The following RNPEPL1 variants were observed in gnomAD, a reference collection of about 807,000 sequenced individuals.
The protein encoded by RNPEPL1 is aminopeptidase RNPEPL1.
RNPEPL1 carries 46 observed loss-of-function variants against 69.0 expected under a neutral mutation model. The observed-to-expected ratio is 0.67, with a 90% CI of 0.53 to 0.85. RNPEPL1 has a LOEUF of 0.85. Ranked by LOEUF, RNPEPL1 falls within the 40% of genes least tolerant of loss-of-function variation. The pLI, the probability that RNPEPL1 is intolerant of heterozygous loss-of-function variation, is 0.00. For missense variants in RNPEPL1, 869 were observed against 992.5 expected (o/e 0.88, Z 1.67); for synonymous variants, 525 against 454.1 (o/e 1.16, Z -1.98).
chr2:240,570,978 C>G (rs1012254163), intron 1 of RNPEPL1, among the ~76,000 whole-genome samples: 5 of 152,252 alleles, frequency 3.3e-5, no homozygotes, highest in African/African-American at 1.2e-4. Flanking sequence ...TGAGAAGGGC[C>G]TCAGGAGGGT....
Position 240,572,551 on chromosome 2 carries a change from T to G in RNPEPL1, c.657T>G (p.Ser219=). ...FDTPAVKCTY[S]AVVKAPSGVQ... Reference sequence around the variant, plus strand: ...CACCTGCCGTGAAGTGCACCTACTCTGCCGTCGTCAAGGTCAGGGGCCGCC... The same window carrying G: ...CACCTGCCGTGAAGTGCACCTACTCGGCCGTCGTCAAGGTCAGGGGCCGCC... Residue 219 remains serine (S), a synonymous_variant, in exon 2 of 11, where the codon TCT becomes TCG. Coordinates refer to ENST00000270357, the MANE Select transcript of RNPEPL1 (RefSeq NM_018226.6). The G allele has an allele frequency of 6.5e-7, 1 of 1,536,164 alleles. No homozygotes were observed. Among genetic ancestry groups the G allele is most frequent in the Non-Finnish European group, 8.7e-7 (1 of 1,146,816 alleles).
chr2:240,574,532 C>T lies in RNPEPL1; in HGVS notation c.1192C>T (p.Leu398=), dbSNP rs533395436. ...CCATCCAGGTGCTGCCTTCACCTGCCTGGAGACTGCCTTCCGCCTGGACGC... is the reference window on the plus strand; with the variant it reads ...CCATCCAGGTGCTGCCTTCACCTGCTTGGAGACTGCCTTCCGCCTGGACGC... The part of the protein sequence containing the change: ...TETYGAAFTC[L]ETAFRLDALH... Residue 398 remains leucine, a synonymous_variant, in exon 6 of 11, where the codon CTG becomes TTG. Transcript: ENST00000270357. The T allele has an allele frequency of 4.7e-5, 76 of 1,612,118 alleles. No homozygotes were observed. Among genetic ancestry groups the T allele is most frequent in the Admixed American group, 4.2e-4 (25 of 59,858 alleles).
At chr2:240,574,825 G>A (rs2093033132) in intron 6 of RNPEPL1, 197 bp downstream of exon 6, 4 of 660,172 alleles carry the variant, frequency 6.1e-6, no homozygotes, top group African/African-American at 1.8e-5. Flanking sequence ...CCCTGGCTCT[G>A]AGCAGCAGTC....
intron 1 of RNPEPL1, among the ~76,000 whole-genome samples, chr2:240,571,767 G>A (rs928243098): frequency 7.9e-5 from 12 of 151,882 alleles, no homozygotes; most frequent in Admixed American, 2.0e-4. Context: ...CGCAGCCCCC[G>A]GCCTCCAGGC....
chr2:240,574,280 G>C lies in RNPEPL1; in HGVS notation c.1106G>C (p.Trp369Ser). 6 of 1,611,000 alleles carry C rather than the reference G, an allele frequency of 3.7e-6. No homozygotes were observed. The highest frequency in any genetic ancestry group is 5.1e-6 in the Non-Finnish European group (6 of 1,179,942). Reference protein sequence around the residue: ...WFGNAVTNATWEEMWLSEGLA... With the variant: ...WFGNAVTNATSEEMWLSEGLA... ...GGCAACGCTGTCACCAACGCCACGT[G>C]GGAAGAGATGTGGCTGAGCGAGGGC... Residue 369 changes from tryptophan (W) to serine (S), a missense_variant, in exon 5 of 11, where the codon TGG becomes TCG. Physicochemically the swap from Trp to Ser is radical, Grantham distance 177. This residue lies in a region of RNPEPL1 where 610 missense variants were observed against 790.9 expected (regional missense o/e 0.77). Coordinates refer to ENST00000270357, the MANE Select transcript of RNPEPL1 (RefSeq NM_018226.6).
chr2:240,569,762 G>C (rs1310115118), intron 1 of RNPEPL1, among the ~76,000 whole-genome samples: 1 of 152,216 alleles, frequency 6.6e-6, no homozygotes. Context: ...TACAGCATGG[G>C]GGTTCATACT....
chr2:240,568,533 C>T lies in RNPEPL1; in HGVS notation c.-54C>T, dbSNP rs2093010753. ...GCCGCCGCCGCCGCCCGGCGCCCCTCGCCCGCGGCCCGGCGCGGCCGCCGC... is the reference window on the plus strand; with the variant it reads ...GCCGCCGCCGCCGCCCGGCGCCCCTTGCCCGCGGCCCGGCGCGGCCGCCGC... On this transcript the variant is annotated 5_prime_UTR_variant, in exon 1 of 11. Coordinates refer to ENST00000270357, the MANE Select transcript of RNPEPL1 (RefSeq NM_018226.6). This position sits in a 1 kb window ranked among gnomAD's most constrained non-coding sequence, Gnocchi z 6.2. 2 of 870,784 alleles carry T rather than the reference C, an allele frequency of 2.3e-6. No individual in the cohort carries two copies. The highest frequency in any genetic ancestry group is 1.9e-5 in the African/African-American group (1 of 53,546). The allele number at this position is 870,784 out of a possible 1,614,324, so 53.9% of individuals were successfully genotyped here.
In RNPEPL1 at chr2:240,572,405, G is replaced by A; in HGVS notation, c.529-18G>A. ...CCTAGCTGGGTGGCCGTCTGCTGATGGGCCATCCTGCCCACAGATCTGGTG... is the reference window on the plus strand; with the variant it reads ...CCTAGCTGGGTGGCCGTCTGCTGATAGGCCATCCTGCCCACAGATCTGGTG... On this transcript the variant is annotated intron_variant, in intron 1 of 10. Transcript: ENST00000270357. 1 of 1,535,698 alleles carries A rather than the reference G, an allele frequency of 6.5e-7. No individual in the cohort carries two copies. The highest frequency in any genetic ancestry group is 8.7e-7 in the Non-Finnish European group (1 of 1,146,584).
intron 1 of RNPEPL1, among the ~76,000 whole-genome samples, chr2:240,570,835 G>A (rs1458071408): frequency 5.9e-5 from 9 of 152,202 alleles, no homozygotes; most frequent in African/African-American, 1.9e-4. Context: ...TCCTGTCTGG[G>A]GGTCTGCCCC....
At position 240,568,826 on chromosome 2, in the gene RNPEPL1, C is replaced by G; in HGVS notation, c.240C>G (p.His80Gln). 1 of 1,139,100 alleles carries G rather than the reference C, an allele frequency of 8.8e-7. No individual in the cohort carries two copies. Among genetic ancestry groups the G allele is most frequent in the Non-Finnish European group, 1.1e-6 (1 of 925,968 alleles). The allele number at this position is 1,139,100 out of a possible 1,614,324, so 70.6% of individuals were successfully genotyped here. A position where few individuals can be genotyped will look rare whatever the true frequency, so the allele number is the denominator to read the frequency against. The change falls in exon 1 of 11, where the codon CAC (histidine) becomes CAG (glutamine). Residue 80 changes from histidine (H) to glutamine (Q), a missense_variant. By Grantham distance (24) the His-to-Gln change is conservative. This residue lies in a region of RNPEPL1 where 259 missense variants were observed against 201.5 expected (regional missense o/e 1.29). Transcript: ENST00000270357. This position sits in a 1 kb window ranked among gnomAD's most constrained non-coding sequence, Gnocchi z 6.2. ...PAPRALVLDAHPALRLHSAAF... is the reference protein window; with the variant it reads ...PAPRALVLDAQPALRLHSAAF... Reference sequence around the variant, plus strand: ...CCCGCGCGCTCGTGCTCGACGCGCACCCGGCTCTGCGCCTGCACTCAGCCG... The same window carrying G: ...CCCGCGCGCTCGTGCTCGACGCGCAGCCGGCTCTGCGCCTGCACTCAGCCG...
intron 6 of RNPEPL1, 64 bp downstream of exon 6, chr2:240,574,692 G>T: frequency 7.5e-7 from 1 of 1,329,758 alleles, no homozygotes; most frequent in Non-Finnish European, 1.1e-6. Context: ...CTCCTTGCCT[G>T]CCCTTCGTGT....
rs1222487741 is a variant in RNPEPL1, at chr2:240,568,519, C to CGCCCGGCGCCCCTCGCCCGCG, written c.-58_-38dup. 4.9e-6 allele frequency: 4 copies of CGCCCGGCGCCCCTCGCCCGCG among 808,294 alleles called. No individual in the cohort carries two copies. Among genetic ancestry groups the CGCCCGGCGCCCCTCGCCCGCG allele is most frequent in the Non-Finnish European group, 6.0e-6 (4 of 671,186 alleles). 50.1% of individuals were successfully genotyped at this position (808,294 alleles called of 1,614,324 possible). On this transcript the variant is annotated 5_prime_UTR_variant, in exon 1 of 11. Transcript: ENST00000270357. The surrounding 1 kb of genome is among the most constrained non-coding windows in gnomAD (Gnocchi z 6.2). ...TGTGCCCGCGCCCCGCCGCCGCCGC[C>CGCCCGGCGCCCCTCGCCCGCG]GCCCGGCGCCCCTCGCCCGCGGCCC...
rs1056936314 is a variant in RNPEPL1, at chr2:240,580,307, T to A, written c.*2415T>A. 1.3e-5 allele frequency: 2 copies of A among 152,138 alleles called. No homozygotes were observed. Among genetic ancestry groups the A allele is most frequent in the Non-Finnish European group, 2.9e-5 (2 of 68,052 alleles). The allele number at this position is 152,138 out of a possible 1,614,324, so 9.4% of individuals were successfully genotyped here. On this transcript the variant is annotated 3_prime_UTR_variant, in exon 11 of 11. Coordinates refer to ENST00000270357, the MANE Select transcript of RNPEPL1 (RefSeq NM_018226.6). Reference sequence around the variant, plus strand: ...AGCTCACGGTCTGCCTCATGAGTCATCCCAGTTGAGCTTTACCAAATGTTT... The same window carrying A: ...AGCTCACGGTCTGCCTCATGAGTCAACCCAGTTGAGCTTTACCAAATGTTT...
In RNPEPL1 at chr2:240,568,882, A is replaced by C; in HGVS notation, c.296A>C (p.Glu99Ala). 1.6e-6 allele frequency: 2 copies of C among 1,242,798 alleles called. No individual in the cohort carries two copies. The highest frequency in any genetic ancestry group is 1.0e-6 in the Non-Finnish European group (1 of 990,950). The allele number at this position is 1,242,798 out of a possible 1,614,324, so 77.0% of individuals were successfully genotyped here. A position where few individuals can be genotyped will look rare whatever the true frequency, so the allele number is the denominator to read the frequency against. Residue 99 changes from glutamate to alanine, a missense_variant, in exon 1 of 11, where the codon GAG becomes GCG. By Grantham distance (107) the Glu-to-Ala change is moderately radical (BLOSUM62 -1). This residue lies in a region of RNPEPL1 where 259 missense variants were observed against 201.5 expected (regional missense o/e 1.29). Coordinates refer to ENST00000270357, the MANE Select transcript of RNPEPL1 (RefSeq NM_018226.6). The surrounding 1 kb of genome is among the most constrained non-coding windows in gnomAD (Gnocchi z 6.2). ...CGTCGCGCCCCCGCCGCCGCCGCCG[A>C]GACGCCCTGCGCCTTCGCCTTCTCC... ...AFRRAPAAAA[E>A]TPCAFAFSAP...
intron 1 of RNPEPL1, among the ~76,000 whole-genome samples, chr2:240,571,696 C>CG (rs1006780755): frequency 6.6e-5 from 10 of 151,492 alleles, no homozygotes; most frequent in South Asian, 4.3e-4. Context: ...AGAGGTTTGC[C>CG]GGGGGGGTGA....
At position 240,577,491 on chromosome 2, in the gene RNPEPL1, T is replaced by G. The variant is rs1210168357; in HGVS notation, c.1885-108T>G. On this transcript the variant is annotated intron_variant, in intron 10 of 10. Transcript: ENST00000270357. The stretch of plus-strand genomic sequence containing the variant: ...GGAGTCCAGGCCACAGCCCTAATGA[T>G]GAAGCTGGGAAGCCAGGGGCAGGAG... The G allele has an allele frequency of 1.3e-5, 16 of 1,257,820 alleles. 1 individual carries two copies. Among genetic ancestry groups the G allele is most frequent in the Middle Eastern group, 2.7e-4 (1 of 3,748 alleles). The allele number at this position is 1,257,820 out of a possible 1,614,324, so 77.9% of individuals were successfully genotyped here. A position where few individuals can be genotyped will look rare whatever the true frequency, so the allele number is the denominator to read the frequency against.
At chr2:240,577,453 C>T in intron 10 of RNPEPL1, 146 bp from the exon 11 acceptor site, 1 of 868,468 alleles carries the variant, frequency 1.2e-6, no homozygotes, top group East Asian at 2.6e-5. Flanking sequence ...TAATGGTAGG[C>T]CTCCTGGCCA....
Position 240,568,952 on chromosome 2 carries a change from C to A in RNPEPL1, c.366C>A (p.Phe122Leu), listed in dbSNP as rs2093013009. 5 of 1,408,358 alleles carry A rather than the reference C, an allele frequency of 3.6e-6. No individual in the cohort carries two copies. The East Asian group carries it at 1.5e-4, about 44-fold the overall frequency. The allele number at this position is 1,408,358 out of a possible 1,614,324, so 87.2% of individuals were successfully genotyped here. ...CGCCGCCGCCCCCGCTGCCCGCCTTCCCCGAGGCGCCCGGCTCCGAGCCCG... is the reference window on the plus strand; with the variant it reads ...CGCCGCCGCCCCCGCTGCCCGCCTTACCCGAGGCGCCCGGCTCCGAGCCCG... ...GPAPPPPLPA[F>L]PEAPGSEPAC... is the part of the protein sequence containing the mutation. Residue 122 changes from phenylalanine to leucine, a missense_variant, in exon 1 of 11, where the codon TTC (phenylalanine) becomes TTA (leucine). Physicochemically the swap from Phe to Leu is conservative, Grantham distance 22. This residue lies in a region of RNPEPL1 where 259 missense variants were observed against 201.5 expected (regional missense o/e 1.29). Coordinates refer to ENST00000270357, the MANE Select transcript of RNPEPL1 (RefSeq NM_018226.6). This position sits in a 1 kb window ranked among gnomAD's most constrained non-coding sequence, Gnocchi z 6.2.
Position 240,578,011 on chromosome 2 carries a change from C to G in RNPEPL1, c.*119C>G. On this transcript the variant is annotated 3_prime_UTR_variant, in exon 11 of 11. Transcript: ENST00000270357. ...GAGCTCTGCCCAGGCCCACAAGCCCCTCCCCTGGGCTCTCCCAGGCAGGGA... is the reference window on the plus strand; with the variant it reads ...GAGCTCTGCCCAGGCCCACAAGCCCGTCCCCTGGGCTCTCCCAGGCAGGGA... 9.9e-7 allele frequency: 1 copy of G among 1,013,026 alleles called. No homozygotes were observed. The highest frequency in any genetic ancestry group is 2.6e-5 in the South Asian group (1 of 38,708). 62.8% of individuals were successfully genotyped at this position (1,013,026 alleles called of 1,614,324 possible).
Sources: allele counts gnomAD v4.1 joint callset (sites outside exome capture counted in the v4.1 genomes callset), GRCh38; gene constraint gnomAD v4.1.1; regional missense constraint gnomAD v4.1.1; non-coding constraint Gnocchi (gnomAD v3.1); transcripts MANE v1.5; gene names NCBI Gene and HGNC (gene_info 2026-07-23, HGNC 2026-07-21).